The following PRR11 variants were observed in gnomAD, a reference collection of about 807,000 sequenced individuals.
The protein encoded by PRR11 is proline rich 11.
PRR11 carries 30 observed loss-of-function variants against 45.6 expected under a neutral mutation model. That is an observed-to-expected ratio of 0.66 (90% CI 0.49 to 0.89). The LOEUF is 0.89. Ranked by LOEUF, PRR11 falls within the 40% of genes least tolerant of loss-of-function variation. The pLI is 0.00. For synonymous variants in PRR11, 128 were observed against 153.5 expected (o/e 0.83, Z 1.23); for missense variants, 373 against 424.8 (o/e 0.88, Z 1.07).
intron 1 of PRR11, among the ~76,000 whole-genome samples, chr17:59,160,121 G>T (rs978660671): frequency 6.6e-6 from 1 of 151,824 alleles, no homozygotes; most frequent in African/African-American, 2.4e-5. Flanking sequence ...TGATAATAAT[G>T]ATAAAACTTA....
chr17:59,181,902 C>T, intron 2 of PRR11: 2 of 1,220,488 alleles, frequency 1.6e-6, no homozygotes, highest in East Asian at 2.7e-5. Flanking sequence ...CTCTGCTCAA[C>T]CCCATGAGCC....
chr17:59,185,283 A>C, intron 3 of PRR11, 79 bp downstream of exon 3: 2 of 1,545,572 alleles, frequency 1.3e-6, no homozygotes, highest in Non-Finnish European at 1.8e-6. Context: ...TGCTCAAGTC[A>C]GTCCAACCCT....
At chr17:59,163,431 A>T (rs1297666797) in intron 1 of PRR11, among the ~76,000 whole-genome samples, 4 of 152,232 alleles carry the variant, frequency 2.6e-5, no homozygotes, top group Non-Finnish European at 5.9e-5. Flanking sequence ...ATTTAGTGCT[A>T]CTAAGATTAC....
At chr17:59,196,214 AAGAT>A (rs1474922302) in intron 7 of PRR11, among the ~76,000 whole-genome samples, 2 of 152,158 alleles carry the variant, frequency 1.3e-5, no homozygotes, top group East Asian at 1.9e-4. Context: ...AATTTTCAAA[AAGAT>A]AGGAAGAGTT....
At chr17:59,189,348 G>A (rs1014996833) in intron 4 of PRR11, among the ~76,000 whole-genome samples, 2 of 150,716 alleles carry the variant, frequency 1.3e-5, no homozygotes, top group Admixed American at 6.6e-5. Context: ...TTTTTTGTTC[G>A]TTTGAGACAA....
chr17:59,170,512 C>T (rs1192868000), intron 2 of PRR11, among the ~76,000 whole-genome samples: 3 of 152,038 alleles, frequency 2.0e-5, no homozygotes, highest in Non-Finnish European at 2.9e-5. Flanking sequence ...AAGAGATCTT[C>T]CCACTCTGTC....
intron 2 of PRR11, among the ~76,000 whole-genome samples, chr17:59,175,307 C>T (rs969043317): frequency 1.3e-5 from 2 of 152,148 alleles, no homozygotes; most frequent in Admixed American, 1.3e-4. Context: ...AGGGCGTCTC[C>T]CACTCCTTCA....
At chr17:59,160,098 CAAAG>C (rs2046644181) in intron 1 of PRR11, among the ~76,000 whole-genome samples, 1 of 151,710 alleles carries the variant, frequency 6.6e-6, no homozygotes, top group Admixed American at 6.6e-5. Flanking sequence ...AAAAAAGAAT[CAAAG>C]AATAATAATG....
chr17:59,197,599 G>T lies in PRR11; in HGVS notation c.913G>T (p.Glu305Ter), dbSNP rs1377514383. ...LRKLLRKVDVERSPGGTPLTN... is the reference protein window; with the variant it reads ...LRKLLRKVDV The stretch of plus-strand genomic sequence containing the variant: ...GAAACTGCTTAGAAAAGTCGATGTA[G>T]AGAGGTAATACACTCTCATATCTTT... The change falls in exon 8 of 10, where the codon GAG (glutamate) becomes TAG (stop). Residue 305 changes from glutamate (E) to a stop codon, truncating the protein, a stop_gained. Transcript: ENST00000262293. LOFTEE classifies it high-confidence loss of function. 6.2e-7 allele frequency: 1 copy of T among 1,613,602 alleles called. No individual in the cohort carries two copies. Among genetic ancestry groups the T allele is most frequent in the East Asian group, 2.2e-5 (1 of 44,878 alleles).
rs547981487 is a variant in PRR11 at position 59,176,265 on chromosome 17, G to A, written c.128+6385G>A. 2.0e-4 allele frequency among the ~76,000 whole-genome samples: 31 copies of A among 152,292 alleles called. No homozygotes were observed. The South Asian group carries it at 6.4e-3, about 32-fold the overall frequency. ...AGCCAGTTTGGTTGTAGAGATTATA[G>A]AGAGGGTGGAATTTGCACTGTGGAC... On this transcript the variant is annotated intron_variant, in intron 2 of 9. Transcript: ENST00000262293.
chr17:59,191,545 C>G (rs2046840906), intron 4 of PRR11, among the ~76,000 whole-genome samples: 2 of 152,076 alleles, frequency 1.3e-5, no homozygotes, highest in African/African-American at 4.8e-5. Context: ...CTGGGTAAAC[C>G]TACCTCCAGA....
rs992669294 is a variant in PRR11, at chr17:59,204,689, G to C, written c.*3058G>C. On this transcript the variant is annotated 3_prime_UTR_variant, in exon 10 of 10. Transcript: ENST00000262293. ...CCACTCCACTCCAGTCTGGACAACA[G>C]AGTGAGACCCTGTGTCAAAAAAAAA... The C allele has an allele frequency of 2.0e-5, 3 of 148,798 alleles. No individual in the cohort carries two copies. The highest frequency in any genetic ancestry group is 7.6e-5 in the African/African-American group (3 of 39,700). 9.2% of individuals were successfully genotyped at this position (148,798 alleles called of 1,614,324 possible). A position where few individuals can be genotyped will look rare whatever the true frequency, so the allele number is the denominator to read the frequency against.
Position 59,201,911 on chromosome 17 carries a change from C to T in PRR11, c.*280C>T, listed in dbSNP as rs908539389. On this transcript the variant is annotated 3_prime_UTR_variant, in exon 10 of 10. Coordinates refer to ENST00000262293, the MANE Select transcript of PRR11 (RefSeq NM_018304.4). ...GCTTGAACCCAAGAGGCAGAGGTTGCAGTGAGCCAAGATCGCGTCATTGCA... is the reference window on the plus strand; with the variant it reads ...GCTTGAACCCAAGAGGCAGAGGTTGTAGTGAGCCAAGATCGCGTCATTGCA... The T allele has an allele frequency of 1.0e-4, 37 of 353,912 alleles. No individual in the cohort carries two copies. The highest frequency in any genetic ancestry group is 2.0e-4 in the African/African-American group (10 of 48,792). The allele number at this position is 353,912 out of a possible 1,614,324, so 21.9% of individuals were successfully genotyped here.
intron 1 of PRR11, among the ~76,000 whole-genome samples, chr17:59,166,462 TTTTTG>T (rs145397670): frequency 0.03 from 4,634 of 152,174 alleles, 257 homozygotes; most frequent in African/African-American, 0.11. Context: ...CTAGATAATG[TTTTTG>T]TTTTGTTTTT....
intron 9 of PRR11, among the ~76,000 whole-genome samples, chr17:59,200,166 G>A (rs1039559757): frequency 1.3e-5 from 2 of 152,218 alleles, no homozygotes; most frequent in Admixed American, 6.5e-5. Context: ...AGGATGTCTA[G>A]TTAAAATTGT....
Position 59,206,509 on chromosome 17 carries a change from T to C in PRR11, c.*4878T>C, listed in dbSNP as rs916999347. 1.3e-5 allele frequency among the ~76,000 whole-genome samples: 2 copies of C among 152,202 alleles called. No individual in the cohort carries two copies. Among genetic ancestry groups the C allele is most frequent in the African/African-American group, 4.8e-5 (2 of 41,448 alleles). On this transcript the variant is annotated 3_prime_UTR_variant, in exon 10 of 10. Coordinates refer to ENST00000262293, the MANE Select transcript of PRR11 (RefSeq NM_018304.4). ...AAAATGTGTTCTACCTTGCATCTTT[T>C]ACTGATTTTTATGACAGATTTTATA...
At chr17:59,181,801 AC>A in intron 2 of PRR11, 1 of 1,532,298 alleles carries the variant, frequency 6.5e-7, no homozygotes, top group Non-Finnish European at 8.9e-7. Context: ...ATCACCTTAG[AC>A]CCCGACCCCG....
rs529509812 is a variant in PRR11, at chr17:59,182,071, G to A, written c.129-2983G>A. Among the ~76,000 whole-genome samples, 308 of 149,994 alleles carry A rather than the reference G, an allele frequency of 2.1e-3. 1 individual carries two copies. The highest frequency in any genetic ancestry group is 7.3e-3 in the African/African-American group (299 of 40,860). ...GAGACAGAATCTTGCTTTGTCGCCC[G>A]GGCTGGAGTGTAGTGGTGCAATCTC... On this transcript the variant is annotated intron_variant, in intron 2 of 9. Coordinates refer to ENST00000262293, the MANE Select transcript of PRR11 (RefSeq NM_018304.4).
At chr17:59,180,510 G>GTTTTTTTTTTTTTTTTTTTTTTT (rs1555716481) in intron 2 of PRR11, among the ~76,000 whole-genome samples, 3 of 108,634 alleles carry the variant, frequency 2.8e-5, no homozygotes, top group Admixed American at 8.6e-5. Flanking sequence ...TTTTTTTTTT[G>GTTTTTTTTTTTTTTTTTTTTTTT]TTTTTTTTGT....
Sources: allele counts gnomAD v4.1 joint callset (sites outside exome capture counted in the v4.1 genomes callset), GRCh38; gene constraint gnomAD v4.1.1; transcripts MANE v1.5; gene names NCBI Gene and HGNC (gene_info 2026-07-23, HGNC 2026-07-21).